FAM135B: variants seen among roughly 807,000 people sequenced by gnomAD.
FAM135B encodes protein FAM135B.
In FAM135B, 43 loss-of-function variants were observed where a neutral mutation model predicts 127.7. The ratio of observed to expected loss-of-function variants is 0.34; its 90% confidence interval spans 0.26 to 0.43. The LOEUF is 0.43. FAM135B is among the 20% of genes least tolerant of loss of function. The pLI is 1.00. For missense variants in FAM135B, 1,558 were observed against 1,725.6 expected, an observed-to-expected ratio of 0.90 and a Z score of 1.72; for synonymous variants, 670 against 665.1, an observed-to-expected ratio of 1.01 and a Z score of -0.11.
At chr8:138,198,217 C>T (rs893913294) in intron 7 of FAM135B, among the ~76,000 whole-genome samples, 2 of 152,230 alleles carry the variant, frequency 1.3e-5, no homozygotes, top group Non-Finnish European at 2.9e-5. Flanking sequence ...CCTGCACATG[C>T]TCTCTTGCCT....
chr8:138,332,569 C>T (rs772810967), intron 2 of FAM135B, among the ~76,000 whole-genome samples: 29 of 152,104 alleles, frequency 1.9e-4, no homozygotes, highest in Non-Finnish European at 3.8e-4. Context: ...CCTCACTACC[C>T]CTCCATCTCA....
intron 7 of FAM135B, among the ~76,000 whole-genome samples, chr8:138,219,261 T>G (rs1818834464): frequency 6.6e-6 from 1 of 152,152 alleles, no homozygotes. Flanking sequence ...AAATACGCCT[T>G]TGGTTTTGCT....
chr8:138,346,682 C>T (rs116412414), intron 2 of FAM135B, among the ~76,000 whole-genome samples: 4,805 of 152,004 alleles, frequency 0.032, 211 homozygotes, highest in African/African-American at 0.1. Context: ...GAGGTGGTGA[C>T]GGGGAGAATA....
At chr8:138,156,840 G>A (rs1328046995) in intron 12 of FAM135B, among the ~76,000 whole-genome samples, 1 of 152,152 alleles carries the variant, frequency 6.6e-6, no homozygotes, top group Non-Finnish European at 1.5e-5. Context: ...GGACCAGACG[G>A]ATTCACAGCC....
intron 9 of FAM135B, among the ~76,000 whole-genome samples, chr8:138,185,062 T>C (rs2131033972): frequency 6.6e-6 from 1 of 152,284 alleles, no homozygotes; most frequent in African/African-American, 2.4e-5. Context: ...CTAGAGTTAG[T>C]GCTGTGAAGT....
At chr8:138,226,977 G>A (rs59505888) in intron 7 of FAM135B, among the ~76,000 whole-genome samples, 11 of 152,202 alleles carry the variant, frequency 7.2e-5, no homozygotes, top group African/African-American at 1.9e-4. Context: ...GATTGCAGGC[G>A]TGAGCCACCA....
chr8:138,158,992 G>C (rs13269858), intron 12 of FAM135B, among the ~76,000 whole-genome samples: 48,069 of 151,482 alleles, frequency 0.32, 8,908 homozygotes, highest in East Asian at 0.55. Flanking sequence ...CACATGCACG[G>C]CCGGGCGTGG....
At chr8:138,148,986 G>C (rs558527628) in intron 13 of FAM135B, among the ~76,000 whole-genome samples, 10 of 122,244 alleles carry the variant, frequency 8.2e-5, no homozygotes, top group East Asian at 5.8e-4. Flanking sequence ...GTTGTGGGGT[G>C]GGGGGAGGGA....
At chr8:138,443,609 T>C (rs1835934755) in intron 1 of FAM135B, among the ~76,000 whole-genome samples, 1 of 152,218 alleles carries the variant, frequency 6.6e-6, no homozygotes, top group South Asian at 2.1e-4. Context: ...AGCAAGTGTT[T>C]ACTAAGCACT....
At chr8:138,228,868 C>T (rs546578105) in intron 7 of FAM135B, among the ~76,000 whole-genome samples, 1 of 152,328 alleles carries the variant, frequency 6.6e-6, no homozygotes, top group Non-Finnish European at 1.5e-5. Context: ...ATCTGTTCTT[C>T]CTGGGCCAGC....
At chr8:138,334,346 G>A (rs539528183) in intron 2 of FAM135B, among the ~76,000 whole-genome samples, 31 of 152,202 alleles carry the variant, frequency 2.0e-4, no homozygotes, top group Admixed American at 1.8e-3. Context: ...AACCCCCTTA[G>A]CAAATATTCA....
chr8:138,250,789 C>T (rs1821637869), intron 6 of FAM135B, 52 bp downstream of exon 6: 1 of 1,597,846 alleles, frequency 6.3e-7, no homozygotes, highest in Admixed American at 1.7e-5. Context: ...CTCTACCACA[C>T]CTGCAATGGA....
intron 1 of FAM135B, among the ~76,000 whole-genome samples, chr8:138,398,193 G>T (rs1478716459): frequency 6.6e-6 from 1 of 152,130 alleles, no homozygotes; most frequent in Non-Finnish European, 1.5e-5. Context: ...ACCCATCAGA[G>T]CCCAGAGGAG....
chr8:138,168,074 C>G (rs377043148), intron 11 of FAM135B, 25 bp from the exon 12 acceptor site: 1 of 1,595,062 alleles, frequency 6.3e-7, no homozygotes, highest in Non-Finnish European at 8.5e-7. Context: ...GCAGGGTGAG[C>G]GTCCAGGGAA....
chr8:138,372,451 G>A (rs1446964471), intron 1 of FAM135B, among the ~76,000 whole-genome samples: 1 of 152,160 alleles, frequency 6.6e-6, no homozygotes, highest in African/African-American at 2.4e-5. Context: ...AGCCTTCCTT[G>A]TGGACACTGG....
At chr8:138,407,839 T>C (rs1003080743) in intron 1 of FAM135B, among the ~76,000 whole-genome samples, 9 of 152,306 alleles carry the variant, frequency 5.9e-5, no homozygotes, top group African/African-American at 1.4e-4. Context: ...ATTCAGGACA[T>C]AGGCATGGGC....
intron 8 of FAM135B, among the ~76,000 whole-genome samples, chr8:138,197,225 C>T (rs1032199660): frequency 2.0e-5 from 3 of 152,028 alleles, no homozygotes; most frequent in Non-Finnish European, 4.4e-5. Context: ...CTCTAGAAAG[C>T]AACCTAAAAT....
chr8:138,406,253 T>G (rs1339865689), intron 1 of FAM135B, among the ~76,000 whole-genome samples: 1 of 152,110 alleles, frequency 6.6e-6, no homozygotes, highest in African/African-American at 2.4e-5. Flanking sequence ...GATCTGAAAT[T>G]GTGGCAATAA....
intron 1 of FAM135B, among the ~76,000 whole-genome samples, chr8:138,427,531 AGAAT>A (rs1834963657): frequency 1.3e-5 from 2 of 151,990 alleles, no homozygotes; most frequent in South Asian, 4.1e-4. Flanking sequence ...AGTGAAAGTG[AGAAT>A]GAAATTTGAA....
Sources: gnomAD v4.1 joint callset for allele counts (sites outside exome capture counted in the v4.1 genomes callset) on GRCh38, gnomAD v4.1.1 for gene constraint, MANE v1.5 for transcripts, NCBI Gene and HGNC (gene_info 2026-07-23, HGNC 2026-07-21) for gene names.